Variants in DAB1 observed in about 807,000 individuals in gnomAD.
DAB1 encodes the protein disabled homolog 1.
DAB1 carries 15 observed loss-of-function variants against 64.6 expected under a neutral mutation model. That is an observed-to-expected ratio of 0.23 (90% CI 0.16 to 0.36). The LOEUF (loss-of-function observed/expected upper bound fraction) is 0.36, where lower values mean the gene tolerates loss of function less well. DAB1 is among the 10% of genes least tolerant of loss of function. The pLI, the probability that DAB1 is intolerant of heterozygous loss-of-function variation, is 1.00. For missense variants in DAB1, 596 were observed against 706.7 expected (o/e 0.84, Z 1.78); for synonymous variants, 235 against 251.9 (o/e 0.93, Z 0.64).
At chr1:57,110,879 C>G (rs1443440401) in intron 4 of DAB1, among the ~76,000 whole-genome samples, 1 of 152,032 alleles carries the variant, frequency 6.6e-6, no homozygotes, top group African/African-American at 2.4e-5. Flanking sequence ...TGAAATCACA[C>G]ATCAGAAAGT....
intron 7 of DAB1, among the ~76,000 whole-genome samples, chr1:57,585,113 G>A (rs1016551873): frequency 6.6e-6 from 1 of 152,010 alleles, no homozygotes; most frequent in Non-Finnish European, 1.5e-5. Context: ...GCTGGATGTG[G>A]TGGTGGGTGG....
intron 2 of DAB1, among the ~76,000 whole-genome samples, chr1:58,515,090 A>G (rs1286790422): frequency 3.9e-5 from 6 of 152,166 alleles, no homozygotes; most frequent in African/African-American, 1.4e-4. Flanking sequence ...ACATACCTCC[A>G]CAGGTTCATC....
At chr1:58,412,362 T>TCG (rs1644679800) in intron 3 of DAB1, among the ~76,000 whole-genome samples, 1 of 152,106 alleles carries the variant, frequency 6.6e-6, no homozygotes, top group East Asian at 1.9e-4. Context: ...CAGTAAGTTC[T>TCG]CTCTCTTTTG....
chr1:56,998,884 G>A (rs552768588), intron 14 of DAB1, among the ~76,000 whole-genome samples: 73 of 152,190 alleles, frequency 4.8e-4, no homozygotes, highest in African/African-American at 1.6e-3. Flanking sequence ...AACAGCGTTC[G>A]GCCCTATTTA....
intron 5 of DAB1, among the ~76,000 whole-genome samples, chr1:58,061,503 CTG>C (rs763697726): frequency 6.6e-6 from 1 of 152,168 alleles, no homozygotes; most frequent in Non-Finnish European, 1.5e-5. Flanking sequence ...TCACATGGCC[CTG>C]TGTCTGTCTG....
chr1:57,814,770 T>C (rs1267207235), intron 6 of DAB1, among the ~76,000 whole-genome samples: 1 of 152,136 alleles, frequency 6.6e-6, no homozygotes, highest in Non-Finnish European at 1.5e-5. Context: ...GGCTGTGAGG[T>C]TTCCTTGAAG....
intron 9 of DAB1, among the ~76,000 whole-genome samples, chr1:57,062,661 C>CCAGA (rs1353782496): frequency 2.0e-5 from 3 of 152,166 alleles, no homozygotes; most frequent in Admixed American, 2.0e-4. Context: ...ACTCATGGGA[C>CCAGA]CAGACCTTCA....
At chr1:58,542,886 T>A (rs7511732) in intron 1 of DAB1, among the ~76,000 whole-genome samples, 17,692 of 152,148 alleles carry the variant, frequency 0.12, 1,231 homozygotes, top group African/African-American at 0.18. Context: ...CATAAAACAG[T>A]ATTCCGCACA....
intron 5 of DAB1, among the ~76,000 whole-genome samples, chr1:58,023,254 C>T (rs1446020936): frequency 6.6e-6 from 1 of 152,072 alleles, no homozygotes; most frequent in Admixed American, 6.6e-5. Flanking sequence ...TTTCCAGAGC[C>T]TCTCTGGAAA....
At chr1:57,970,385 A>G (rs1347116840) in intron 5 of DAB1, among the ~76,000 whole-genome samples, 1 of 151,902 alleles carries the variant, frequency 6.6e-6, no homozygotes, top group East Asian at 1.9e-4. Context: ...CAGCTTTGCC[A>G]GTGGGGGTCA....
At chr1:58,484,071 T>C (rs1645534167) in intron 3 of DAB1, among the ~76,000 whole-genome samples, 1 of 152,214 alleles carries the variant, frequency 6.6e-6, no homozygotes, top group South Asian at 2.1e-4. Context: ...TCTTCTCTTA[T>C]CCTTAAATTC....
At chr1:57,072,766 A>G (rs1427111096) in intron 4 of DAB1, among the ~76,000 whole-genome samples, 1 of 152,170 alleles carries the variant, frequency 6.6e-6, no homozygotes, top group Non-Finnish European at 1.5e-5. Flanking sequence ...ATTGATATTT[A>G]ATTTACTTAA....
At chr1:57,578,575 C>T (rs921445419) in intron 7 of DAB1, among the ~76,000 whole-genome samples, 1 of 152,200 alleles carries the variant, frequency 6.6e-6, no homozygotes, top group Non-Finnish European at 1.5e-5. Flanking sequence ...CTTAACATCT[C>T]TGAATCTCAA....
At chr1:57,740,037 C>A (rs1479012910) in intron 6 of DAB1, among the ~76,000 whole-genome samples, 1 of 74,084 alleles carries the variant, frequency 1.3e-5, no homozygotes, top group Non-Finnish European at 2.9e-5. Flanking sequence ...TCTACTACTA[C>A]TACTACTACA....
At chr1:58,313,394 C>A (rs891408742) in intron 4 of DAB1, among the ~76,000 whole-genome samples, 1 of 152,122 alleles carries the variant, frequency 6.6e-6, no homozygotes, top group Non-Finnish European at 1.5e-5. Context: ...GGACACAGAC[C>A]TGTGGCTGAC....
At chr1:57,793,996 T>C (rs571309421) in intron 6 of DAB1, among the ~76,000 whole-genome samples, 10 of 152,318 alleles carry the variant, frequency 6.6e-5, no homozygotes, top group South Asian at 4.1e-4. Flanking sequence ...AGACAGCTTA[T>C]ATTTTGGCTG....
intron 5 of DAB1, among the ~76,000 whole-genome samples, chr1:58,007,686 A>G (rs1364536511): frequency 6.6e-6 from 1 of 152,200 alleles, no homozygotes; most frequent in Admixed American, 6.5e-5. Context: ...CTCAAAAGAA[A>G]GAGACAGCTG....
chr1:57,351,448 G>A (rs1250435917), intron 1 of DAB1, among the ~76,000 whole-genome samples: 2 of 152,130 alleles, frequency 1.3e-5, no homozygotes, highest in African/African-American at 2.4e-5. Flanking sequence ...AAGGAGGGGA[G>A]TTGAACATTC....
intron 4 of DAB1, among the ~76,000 whole-genome samples, chr1:57,078,481 A>C (rs1056105943): frequency 6.6e-6 from 1 of 152,238 alleles, no homozygotes; most frequent in Non-Finnish European, 1.5e-5. Flanking sequence ...ACATATATGA[A>C]ATGAGATACC....
Sources: gnomAD v4.1 joint callset for allele counts (sites outside exome capture counted in the v4.1 genomes callset) on GRCh38, gnomAD v4.1.1 for gene constraint, MANE v1.5 for transcripts, NCBI Gene and HGNC (gene_info 2026-07-23, HGNC 2026-07-21) for gene names.